Variants in FUT8 observed in about 807,000 individuals in gnomAD.
FUT8 encodes the protein alpha-(1,6)-fucosyltransferase.
In FUT8, 29 loss-of-function variants were observed where a neutral mutation model predicts 71.3. That is an observed-to-expected ratio of 0.41 (90% CI 0.30 to 0.55). The LOEUF (loss-of-function observed/expected upper bound fraction) is 0.55. FUT8 is among the 20% of genes least tolerant of loss of function. The pLI is 0.34. For synonymous variants in FUT8, 254 were observed against 239.3 expected (o/e 1.06, Z -0.57); for missense variants, 544 against 702.1 (o/e 0.77, Z 2.55).
At chr14:65,517,332 TGTG>T (rs1270178542) in intron 2 of FUT8, among the ~76,000 whole-genome samples, 2 of 152,142 alleles carry the variant, frequency 1.3e-5, no homozygotes, top group Admixed American at 6.5e-5. Context: ...TTGTAAGTAT[TGTG>T]GGGGTATAAA....
chr14:65,643,961 C>A lies in FUT8; in HGVS notation c.597+14355C>A, dbSNP rs1890993114. On this transcript the variant is annotated intron_variant, in intron 6 of 10. Transcript: ENST00000673929. This position sits in a 1 kb window ranked among gnomAD's most constrained non-coding sequence, Gnocchi z 4.5. ...GGTTTCGCTATAGTTCGACTCTGAT[C>A]TAAGTCACAATACAGTTCTAGAAAC... Among the ~76,000 whole-genome samples the A allele has an allele frequency of 6.6e-6, 1 of 151,916 alleles. No homozygotes were observed. The highest frequency in any genetic ancestry group is 6.6e-5 in the Admixed American group (1 of 15,258).
rs563670634 is a variant in FUT8, at chr14:65,459,247, T to A, written c.-228+3529T>A. Among the ~76,000 whole-genome samples, 195 of 152,264 alleles carry A rather than the reference T, an allele frequency of 1.3e-3. 1 individual carries two copies. The highest frequency in any genetic ancestry group is 4.5e-3 in the African/African-American group (186 of 41,542). On this transcript the variant is annotated intron_variant, in intron 2 of 10. Transcript: ENST00000673929. Reference sequence around the variant, plus strand: ...TCATGATTTCTTCAGGATTTTAGGGTATTTAGATTTTAAACCACAATTCTA... The same window carrying A: ...TCATGATTTCTTCAGGATTTTAGGGAATTTAGATTTTAAACCACAATTCTA...
intron 6 of FUT8, among the ~76,000 whole-genome samples, chr14:65,632,767 G>A (rs1303625052): frequency 2.6e-5 from 4 of 152,100 alleles, no homozygotes; most frequent in Non-Finnish European, 5.9e-5. Flanking sequence ...TTGCTTTTGG[G>A]TTCTTGATTA....
At chr14:65,659,448 G>A (rs546953257) in intron 6 of FUT8, among the ~76,000 whole-genome samples, 1 of 152,212 alleles carries the variant, frequency 6.6e-6, no homozygotes, top group South Asian at 2.1e-4. Context: ...GGAAAAACCA[G>A]CAAAACTGTG....
intron 1 of FUT8, among the ~76,000 whole-genome samples, chr14:65,439,938 A>ATGTGGG (rs2065616770): frequency 1.3e-5 from 1 of 74,146 alleles, no homozygotes; most frequent in African/African-American, 4.5e-5. Flanking sequence ...GATAAAGAAA[A>ATGTGGG]TGTGTGTGTG....
intron 2 of FUT8, among the ~76,000 whole-genome samples, chr14:65,499,013 G>GT (rs968947226): frequency 7.9e-5 from 12 of 152,154 alleles, no homozygotes; most frequent in Non-Finnish European, 1.0e-4. Flanking sequence ...GAGGCATTGG[G>GT]TAAGAACGTG....
intron 3 of FUT8, among the ~76,000 whole-genome samples, chr14:65,564,038 C>T (rs546242366): frequency 2.0e-5 from 3 of 152,126 alleles, no homozygotes; most frequent in South Asian, 2.1e-4. Flanking sequence ...CCCTCAACCT[C>T]ATTGGGCCCT....
chr14:65,430,599 T>G (rs1352693329), intron 1 of FUT8, among the ~76,000 whole-genome samples: 1 of 152,208 alleles, frequency 6.6e-6, no homozygotes, highest in Admixed American at 6.5e-5. Context: ...TTTCTTTATA[T>G]AGTTCTCTTG....
At chr14:65,469,975 G>A (rs931889750) in intron 2 of FUT8, among the ~76,000 whole-genome samples, 4 of 152,198 alleles carry the variant, frequency 2.6e-5, no homozygotes, top group African/African-American at 9.6e-5. Context: ...CTGAAGGTGG[G>A]GTCTATCTGG....
intron 7 of FUT8, among the ~76,000 whole-genome samples, chr14:65,685,661 A>G (rs368270733): frequency 6.6e-6 from 1 of 152,214 alleles, no homozygotes; most frequent in African/African-American, 2.4e-5. Flanking sequence ...TACATGCTAA[A>G]CAGAAGGTAA....
the FUT8 span, among the ~76,000 whole-genome samples, chr14:65,392,182 T>A: frequency 6.6e-6 from 1 of 152,206 alleles, no homozygotes; most frequent in East Asian, 1.9e-4. Flanking sequence ...TCCGCCTGCC[T>A]CGGCCTCCCA....
chr14:65,461,908 C>T (rs74056782), intron 2 of FUT8, among the ~76,000 whole-genome samples: 2,051 of 152,062 alleles, frequency 0.013, 41 homozygotes, highest in East Asian at 0.092. Context: ...GGAGGAGGGG[C>T]GAGGAAGCAA....
intron 7 of FUT8, among the ~76,000 whole-genome samples, chr14:65,717,479 A>T (rs1376621556): frequency 7.8e-6 from 1 of 128,904 alleles, no homozygotes; most frequent in African/African-American, 3.0e-5. Flanking sequence ...CTCACTTCCT[A>T]GACGGGGCGG....
At chr14:65,454,002 GT>G (rs2065863470) in intron 1 of FUT8, among the ~76,000 whole-genome samples, 1 of 150,308 alleles carries the variant, frequency 6.7e-6, no homozygotes, top group Non-Finnish European at 1.5e-5. Flanking sequence ...GCCTTATCTA[GT>G]TTGTTTTCTT....
At chr14:65,578,466 G>A (rs1199996173) in intron 3 of FUT8, among the ~76,000 whole-genome samples, 1 of 152,162 alleles carries the variant, frequency 6.6e-6, no homozygotes, top group Non-Finnish European at 1.5e-5. Context: ...TTTAGCTCAA[G>A]CTTGTCCAAC....
intron 7 of FUT8, among the ~76,000 whole-genome samples, chr14:65,685,952 T>C (rs1342662356): frequency 6.6e-6 from 1 of 152,254 alleles, no homozygotes; most frequent in African/African-American, 2.4e-5. Context: ...TATCTTGTGC[T>C]GACCTTCTGT....
intron 1 of FUT8, among the ~76,000 whole-genome samples, chr14:65,420,731 C>T (rs1309071303): frequency 3.3e-5 from 5 of 151,926 alleles, no homozygotes; most frequent in African/African-American, 1.2e-4. Flanking sequence ...GGCACAGACC[C>T]CCATCAAGAT....
At chr14:65,436,294 A>C (rs952829203) in intron 1 of FUT8, among the ~76,000 whole-genome samples, 1 of 151,872 alleles carries the variant, frequency 6.6e-6, no homozygotes, top group Non-Finnish European at 1.5e-5. Context: ...ACAACAACAA[A>C]AACTTTTCTT....
At chr14:65,662,662 A>G (rs996611176) in intron 6 of FUT8, among the ~76,000 whole-genome samples, 1 of 152,244 alleles carries the variant, frequency 6.6e-6, no homozygotes, top group Non-Finnish European at 1.5e-5. Flanking sequence ...ATAAATAAGT[A>G]TGTTCAAATT....
Sources: allele counts gnomAD v4.1 joint callset (sites outside exome capture counted in the v4.1 genomes callset), GRCh38; gene constraint gnomAD v4.1.1; non-coding constraint Gnocchi (gnomAD v3.1); transcripts MANE v1.5; gene names NCBI Gene and HGNC (gene_info 2026-07-23, HGNC 2026-07-21).